The following PTPRD variants were observed in gnomAD, a reference collection of about 807,000 sequenced individuals.
The protein encoded by PTPRD is receptor-type tyrosine-protein phosphatase delta.
In PTPRD, 34 loss-of-function variants were observed where a neutral mutation model predicts 214.5. That is an observed-to-expected ratio of 0.16 (90% CI 0.12 to 0.21). The LOEUF (loss-of-function observed/expected upper bound fraction) is 0.21, where lower values mean the gene tolerates loss of function less well. PTPRD is among the 10% of genes least tolerant of loss of function. PTPRD has a pLI of 1.00. For missense variants in PTPRD, 2,545 were observed against 2,398.7 expected (o/e 1.06, Z -1.27); for synonymous variants, 1,128 against 845.7 (o/e 1.33, Z -5.79).
At chr9:10,331,894 T>G (rs1300968184) in intron 3 of PTPRD, among the ~76,000 whole-genome samples, 1 of 151,876 alleles carries the variant, frequency 6.6e-6, no homozygotes, top group Non-Finnish European at 1.5e-5. Context: ...TGGTCATTCA[T>G]TAAATCATCT....
chr9:10,570,684 A>G (rs2067142894), intron 2 of PTPRD, among the ~76,000 whole-genome samples: 1 of 151,600 alleles, frequency 6.6e-6, no homozygotes, highest in South Asian at 2.1e-4. Flanking sequence ...TACCCATTCA[A>G]CTCCCTCCTT....
At chr9:9,933,503 G>T (rs1274809571) in intron 5 of PTPRD, among the ~76,000 whole-genome samples, 2 of 151,760 alleles carry the variant, frequency 1.3e-5, no homozygotes, top group African/African-American at 4.9e-5. Context: ...AGTGGTAAAG[G>T]GATCAATTCA....
At chr9:10,215,324 T>C (rs974231993) in intron 3 of PTPRD, among the ~76,000 whole-genome samples, 40 of 151,646 alleles carry the variant, frequency 2.6e-4, no homozygotes, top group African/African-American at 8.4e-4. Context: ...TATAATTAAA[T>C]GATAAACTGA....
chr9:10,378,699 T>C (rs1001694514), intron 2 of PTPRD, among the ~76,000 whole-genome samples: 7 of 152,080 alleles, frequency 4.6e-5, no homozygotes, highest in African/African-American at 1.2e-4. Context: ...TCCAGTGCCA[T>C]GCTGTTTTGG....
intron 4 of PTPRD, among the ~76,000 whole-genome samples, chr9:10,028,701 G>T (rs190191478): frequency 1.1e-3 from 170 of 152,280 alleles, no homozygotes; most frequent in African/African-American, 3.5e-3. Context: ...AGGCTATCTG[G>T]CGGAAGAAAT....
chr9:9,952,576 A>G (rs912144726), intron 4 of PTPRD, among the ~76,000 whole-genome samples: 5 of 152,186 alleles, frequency 3.3e-5, no homozygotes, highest in African/African-American at 9.7e-5. Context: ...CCAGAGTACA[A>G]TGATTGAATG....
chr9:9,283,225 T>C (rs1388333219), intron 9 of PTPRD, among the ~76,000 whole-genome samples: 3 of 151,532 alleles, frequency 2.0e-5, no homozygotes, highest in Non-Finnish European at 4.4e-5. Context: ...CTTCACTTTC[T>C]GTTAAGGTTA....
At chr9:9,818,021 A>C (rs191067453) in intron 5 of PTPRD, among the ~76,000 whole-genome samples, 8 of 152,312 alleles carry the variant, frequency 5.3e-5, no homozygotes, top group Admixed American at 2.6e-4. Context: ...TTGGGGAAAG[A>C]AGTTAATATG....
chr9:10,577,626 T>C (rs1408490788), intron 2 of PTPRD, among the ~76,000 whole-genome samples: 2 of 152,188 alleles, frequency 1.3e-5, no homozygotes, highest in Non-Finnish European at 2.9e-5. Flanking sequence ...TATGCAACTG[T>C]CTGTAGCAAT....
At chr9:10,586,669 A>T (rs1215245705) in intron 2 of PTPRD, among the ~76,000 whole-genome samples, 1 of 152,134 alleles carries the variant, frequency 6.6e-6, no homozygotes, top group Admixed American at 6.5e-5. Flanking sequence ...AGCAATGACT[A>T]AAGTGCCGAG....
chr9:10,384,104 G>A (rs990179951), intron 2 of PTPRD, among the ~76,000 whole-genome samples: 17 of 150,510 alleles, frequency 1.1e-4, no homozygotes, highest in Non-Finnish European at 2.1e-4. Flanking sequence ...AAAAGACCTA[G>A]TATTTGATGG....
chr9:8,749,048 G>C (rs139020879), intron 11 of PTPRD, among the ~76,000 whole-genome samples: 1 of 151,620 alleles, frequency 6.6e-6, no homozygotes, highest in Non-Finnish European at 1.5e-5. Flanking sequence ...TGCTACTAAT[G>C]AACTAAATAC....
At chr9:9,557,321 A>G (rs1273563427) in intron 8 of PTPRD, among the ~76,000 whole-genome samples, 2 of 152,274 alleles carry the variant, frequency 1.3e-5, no homozygotes, top group Non-Finnish European at 1.5e-5. Flanking sequence ...CAGAGATCTT[A>G]AGAATGACAA....
At chr9:9,783,038 T>C (rs1162310471) in intron 5 of PTPRD, among the ~76,000 whole-genome samples, 2 of 152,192 alleles carry the variant, frequency 1.3e-5, no homozygotes, top group Non-Finnish European at 2.9e-5. Flanking sequence ...TCTGCCTTTA[T>C]ATGTATGTTT....
intron 35 of PTPRD, among the ~76,000 whole-genome samples, chr9:8,411,711 G>A (rs2093545090): frequency 1.3e-5 from 2 of 152,168 alleles, no homozygotes; most frequent in South Asian, 2.1e-4. Context: ...TAAGATCAGC[G>A]ATATGTGTTA....
intron 2 of PTPRD, among the ~76,000 whole-genome samples, chr9:10,351,191 G>T (rs2097175995): frequency 1.3e-5 from 2 of 152,102 alleles, no homozygotes. Context: ...AAATATGCTT[G>T]CAAACTCAGT....
intron 11 of PTPRD, among the ~76,000 whole-genome samples, chr9:8,769,110 T>G (rs1333745273): frequency 1.3e-5 from 2 of 152,192 alleles, no homozygotes; most frequent in African/African-American, 4.8e-5. Flanking sequence ...ATGTTTTATG[T>G]AACAGTGGAA....
chr9:9,353,885 G>C (rs1307162043), intron 9 of PTPRD, among the ~76,000 whole-genome samples: 1 of 151,772 alleles, frequency 6.6e-6, no homozygotes, highest in East Asian at 1.9e-4. Flanking sequence ...CAAGGTGTTG[G>C]CTGGGCTGTG....
intron 3 of PTPRD, among the ~76,000 whole-genome samples, chr9:10,059,503 A>C (rs1230703875): frequency 6.6e-6 from 1 of 152,156 alleles, no homozygotes; most frequent in Non-Finnish European, 1.5e-5. Context: ...TCTTGCCAGC[A>C]TACTTTGGTA....
Sources: allele counts gnomAD v4.1 joint callset (sites outside exome capture counted in the v4.1 genomes callset), GRCh38; gene constraint gnomAD v4.1.1; transcripts MANE v1.5; gene names NCBI Gene and HGNC (gene_info 2026-07-23, HGNC 2026-07-21).